NEURL1: variants seen among roughly 807,000 people sequenced by gnomAD.
NEURL1 encodes neuralized E3 ubiquitin protein ligase 1.
In NEURL1, 26 loss-of-function variants were observed where a neutral mutation model predicts 41.2. The observed-to-expected ratio is 0.63, with a 90% CI of 0.46 to 0.87. NEURL1 has a LOEUF of 0.87. Ranked by LOEUF, NEURL1 falls within the 40% of genes least tolerant of loss-of-function variation. The probability of loss-of-function intolerance (pLI) is 0.00; values close to 1 mark genes in which losing one functional copy is unlikely to be tolerated. For synonymous variants in NEURL1, 400 were observed against 402.3 expected, an observed-to-expected ratio of 0.99 and a Z score of 0.07; for missense variants, 761 against 871.1, an observed-to-expected ratio of 0.87 and a Z score of 1.59.
Position 103,585,231 on chromosome 10 carries a change from T to C in NEURL1, c.1339+6T>C. On this transcript the variant is annotated splice_donor_region_variant and intron_variant, in intron 4 of 5. Transcript: ENST00000369780. ...CACGCAGATCCGCATCCTCGGTGAG[T>C]GCCCGCAGCTGCGCCTGGGCGTATG... 6.6e-7 allele frequency: 1 copy of C among 1,505,254 alleles called. No homozygotes were observed. Among genetic ancestry groups the C allele is most frequent in the Non-Finnish European group, 8.9e-7 (1 of 1,127,924 alleles). 93.2% of individuals were successfully genotyped at this position (1,505,254 alleles called of 1,614,324 possible).
In NEURL1 at chr10:103,571,497, C is replaced by T. The variant is rs1358893772; in HGVS notation, c.328-4C>T. ...GTGGGCTGAGGCCACCCCCTGCCAC[C>T]CAGATCACCAAGAAGCAGTGCTGCT... On this transcript the variant is annotated splice_polypyrimidine_tract_variant and splice_region_variant and intron_variant, in intron 2 of 5. Transcript: ENST00000369780. The T allele has an allele frequency of 1.3e-6, 2 of 1,596,514 alleles. No individual in the cohort carries two copies. Among genetic ancestry groups the T allele is most frequent in the African/African-American group, 1.3e-5 (1 of 74,816 alleles).
chr10:103,504,680 G>T (rs1400619561), intron 1 of NEURL1, among the ~76,000 whole-genome samples: 1 of 152,166 alleles, frequency 6.6e-6, no homozygotes, highest in Non-Finnish European at 1.5e-5. Context: ...AAGCGGTGGG[G>T]GGGTTACGCT....
rs11191736 is a variant in NEURL1, at chr10:103,582,189, C to T, written c.650-2347C>T. ...ATTCCTCTTCTCCCTGCTGTTACTG[C>T]CCCTTCCCCTCTCTGTCTCCCACCC... On this transcript the variant is annotated intron_variant, in intron 3 of 5. Coordinates refer to ENST00000369780, the MANE Select transcript of NEURL1 (RefSeq NM_004210.5). Among the ~76,000 whole-genome samples the T allele has an allele frequency of 9.3e-3, 1,409 of 152,230 alleles. 7 individuals are homozygous for T. Among genetic ancestry groups the T allele is most frequent in the Non-Finnish European group, 0.016 (1,121 of 68,004 alleles).
intron 1 of NEURL1, among the ~76,000 whole-genome samples, chr10:103,498,775 A>G (rs2033751611): frequency 6.6e-6 from 1 of 152,206 alleles, no homozygotes; most frequent in South Asian, 2.1e-4. Context: ...GGCGTTTAAT[A>G]TACATGGAAG....
At chr10:103,533,575 C>T (rs529074638) in intron 1 of NEURL1, among the ~76,000 whole-genome samples, 218 of 149,044 alleles carry the variant, frequency 1.5e-3, no homozygotes, top group Non-Finnish European at 2.5e-3. Flanking sequence ...CTCACTCTGT[C>T]GCCCAGGCTG....
At chr10:103,516,851 C>T in intron 1 of NEURL1, among the ~76,000 whole-genome samples, 1 of 152,206 alleles carries the variant, frequency 6.6e-6, no homozygotes, top group South Asian at 2.1e-4. Context: ...TTTCCTTTCT[C>T]CTTTCTCCTT....
intron 1 of NEURL1, among the ~76,000 whole-genome samples, chr10:103,533,039 G>A (rs2133860093): frequency 7.0e-6 from 1 of 143,874 alleles, no homozygotes; most frequent in East Asian, 2.2e-4. Flanking sequence ...CCATTCTCCT[G>A]CCTCAGCCTC....
chr10:103,548,623 G>C (rs2034972609), intron 1 of NEURL1, among the ~76,000 whole-genome samples: 1 of 152,158 alleles, frequency 6.6e-6, no homozygotes, highest in Non-Finnish European at 1.5e-5. Context: ...ACGCCTGGCT[G>C]TATTCTTAGT....
intron 1 of NEURL1, among the ~76,000 whole-genome samples, chr10:103,495,596 G>A (rs868484294): frequency 3.3e-5 from 5 of 152,144 alleles, no homozygotes; most frequent in African/African-American, 1.2e-4. Context: ...GTGCTAGGCT[G>A]TAGACCCCTA....
intron 1 of NEURL1, among the ~76,000 whole-genome samples, chr10:103,537,985 A>G (rs1045371844): frequency 1.3e-5 from 2 of 152,126 alleles, no homozygotes; most frequent in East Asian, 1.9e-4. Context: ...TTAGAGTTCT[A>G]TGTAATGGGA....
chr10:103,578,370 C>T (rs989964726), intron 3 of NEURL1, among the ~76,000 whole-genome samples: 2 of 152,208 alleles, frequency 1.3e-5, no homozygotes, highest in African/African-American at 2.4e-5. Flanking sequence ...GTCTCTGTAT[C>T]GGGCTGAAAG....
chr10:103,505,627 C>T (rs116998366), intron 1 of NEURL1, among the ~76,000 whole-genome samples: 1 of 152,188 alleles, frequency 6.6e-6, no homozygotes, highest in Non-Finnish European at 1.5e-5. Flanking sequence ...AGCCTCCTAA[C>T]GTGTTGGGTT....
chr10:103,497,603 G>T (rs1360731414), intron 1 of NEURL1, among the ~76,000 whole-genome samples: 1 of 152,186 alleles, frequency 6.6e-6, no homozygotes, highest in Non-Finnish European at 1.5e-5. Context: ...TCGGGTGATA[G>T]ACTTTGGTCT....
At chr10:103,586,304 T>G (rs2035922710) in intron 4 of NEURL1, among the ~76,000 whole-genome samples, 1 of 152,202 alleles carries the variant, frequency 6.6e-6, no homozygotes, top group African/African-American at 2.4e-5. Context: ...GTATTCATGC[T>G]TTCCAAGTGC....
At position 103,571,680 on chromosome 10, in the gene NEURL1, A is replaced by G. The variant is rs543401712; in HGVS notation, c.507A>G (p.Ala169=). Residue 169 remains alanine, a synonymous_variant, in exon 3 of 6, where the codon GCA becomes GCG. Coordinates refer to ENST00000369780, the MANE Select transcript of NEURL1 (RefSeq NM_004210.5). ...EEFANEGNII[A]FWVDKKGRVF... is the part of the protein sequence containing the mutation. ...TTGCCAATGAGGGCAACATCATCGC[A>G]TTCTGGGTGGACAAGAAGGGCCGTG... The G allele has an allele frequency of 3.7e-6, 6 of 1,614,152 alleles. No homozygotes were observed. The highest frequency in any genetic ancestry group is 4.5e-5 in the East Asian group (2 of 44,884).
At chr10:103,522,272 T>C (rs1171782481) in intron 1 of NEURL1, among the ~76,000 whole-genome samples, 1 of 152,056 alleles carries the variant, frequency 6.6e-6, no homozygotes, top group Non-Finnish European at 1.5e-5. Context: ...ACAGTCAGCA[T>C]TTTGATGCGT....
intron 5 of NEURL1, among the ~76,000 whole-genome samples, 185 bp downstream of exon 5, chr10:103,589,845 G>A: frequency 6.6e-6 from 1 of 152,218 alleles, no homozygotes; most frequent in East Asian, 1.9e-4. Context: ...GGTAGCTCAG[G>A]AGGGACCTAC....
In NEURL1 at chr10:103,590,182, C is replaced by G. The variant is rs2133888081; in HGVS notation, c.1535C>G (p.Pro512Arg). Residue 512 changes from proline to arginine, a missense_variant, in exon 6 of 6, where the codon CCA (proline) becomes CGA (arginine). This residue lies in a region of NEURL1 where 443 missense variants were observed against 408.1 expected (regional missense o/e 1.09). Coordinates refer to ENST00000369780, the MANE Select transcript of NEURL1 (RefSeq NM_004210.5). The stretch of plus-strand genomic sequence containing the variant: ...AGCCTGCCCGAGTCGCCAGTGACCC[C>G]AGGTCTGGGCCAGTGGAGCGATGAG... ...PVSLPESPVT[P>R]GLGQWSDECT... 2 of 1,614,188 alleles carry G rather than the reference C, an allele frequency of 1.2e-6. No individual in the cohort carries two copies. The highest frequency in any genetic ancestry group is 4.5e-5 in the East Asian group (2 of 44,874).
chr10:103,552,750 A>G (rs2035056287), intron 1 of NEURL1, among the ~76,000 whole-genome samples: 1 of 152,178 alleles, frequency 6.6e-6, no homozygotes, highest in Non-Finnish European at 1.5e-5. Flanking sequence ...GTTGAATTAA[A>G]TGGTTGAGGT....
Sources: allele counts gnomAD v4.1 joint callset (sites outside exome capture counted in the v4.1 genomes callset), GRCh38; gene constraint gnomAD v4.1.1; regional missense constraint gnomAD v4.1.1; transcripts MANE v1.5; gene names NCBI Gene and HGNC (gene_info 2026-07-23, HGNC 2026-07-21).